The following DACH2 variants were observed in gnomAD, a reference collection of about 807,000 sequenced individuals.
The protein encoded by DACH2 is dachshund homolog 2.
Under a neutral mutation model 35.8 loss-of-function variants are expected in DACH2, and 17 were observed. The observed-to-expected ratio is 0.48, with a 90% CI of 0.33 to 0.71. The LOEUF (loss-of-function observed/expected upper bound fraction) is 0.71. Among genes scored for constraint, DACH2 ranks in the 30% least tolerant of loss-of-function variants. DACH2 has a pLI of 0.02. For synonymous variants in DACH2, 195 were observed against 177.3 expected, an observed-to-expected ratio of 1.10 and a Z score of -0.79; for missense variants, 469 against 472.7, an observed-to-expected ratio of 0.99 and a Z score of 0.07.
chrX:86,392,961 A>G (rs2036226455), intron 2 of DACH2, among the ~76,000 whole-genome samples: 1 of 110,681 alleles, frequency 9.0e-6, no homozygotes, highest in African/African-American at 3.3e-5. Context: ...TGGTGGTGCT[A>G]TGGCATCTAG....
chrX:86,759,192 G>A (rs778654113), intron 7 of DACH2, among the ~76,000 whole-genome samples: 21 of 111,371 alleles, frequency 1.9e-4, no homozygotes, highest in Non-Finnish European at 3.6e-4. Context: ...TAGGTGATCT[G>A]TCTAAGGCTG....
At chrX:86,773,333 G>T (rs1170252793) in intron 7 of DACH2, among the ~76,000 whole-genome samples, 1 of 111,292 alleles carries the variant, frequency 9.0e-6, no homozygotes, top group African/African-American at 3.3e-5. Flanking sequence ...ATTTCTATGT[G>T]GAATTTTGAG....
intron 6 of DACH2, among the ~76,000 whole-genome samples, chrX:86,721,570 G>A (rs865889599): frequency 9.0e-6 from 1 of 111,511 alleles, no homozygotes; most frequent in Non-Finnish European, 1.9e-5. Context: ...AGTTCCAAAC[G>A]TTATCACATC....
At chrX:86,270,450 C>T (rs2033795318) in intron 1 of DACH2, among the ~76,000 whole-genome samples, 1 of 111,607 alleles carries the variant, frequency 9.0e-6, no homozygotes, top group South Asian at 3.7e-4. Context: ...CACATACACA[C>T]TTGTGAATAG....
At chrX:86,316,172 T>A (rs754124559) in intron 1 of DACH2, among the ~76,000 whole-genome samples, 51 of 110,541 alleles carry the variant, frequency 4.6e-4, no homozygotes, top group Non-Finnish European at 8.1e-4. Context: ...TTTCTGTGCC[T>A]GTTCCCAGAC....
intron 4 of DACH2, among the ~76,000 whole-genome samples, chrX:86,690,055 T>C (rs1296143118): frequency 8.9e-6 from 1 of 111,775 alleles, no homozygotes; most frequent in Non-Finnish European, 1.9e-5. Context: ...CTGATCCCTA[T>C]AGGTGGATGA....
At chrX:86,321,130 T>G (rs1175381624) in intron 1 of DACH2, among the ~76,000 whole-genome samples, 1 of 111,598 alleles carries the variant, frequency 9.0e-6, no homozygotes, top group Non-Finnish European at 1.9e-5. Flanking sequence ...CTTTAGATTT[T>G]GAAACCCTAT....
At chrX:86,768,858 C>T (rs957312465) in intron 7 of DACH2, among the ~76,000 whole-genome samples, 2 of 110,717 alleles carry the variant, frequency 1.8e-5, no homozygotes, top group African/African-American at 6.6e-5. Context: ...TGTATGTATT[C>T]AAAGTTTAGC....
intron 2 of DACH2, among the ~76,000 whole-genome samples, chrX:86,411,862 T>G (rs1034107856): frequency 9.0e-6 from 1 of 111,081 alleles, no homozygotes; most frequent in Admixed American, 9.6e-5. Context: ...CAGGTTGTGT[T>G]TTTTTTCCCT....
At chrX:86,814,130 CAGAG>C (rs1272677711) in intron 9 of DACH2, among the ~76,000 whole-genome samples, 1 of 109,724 alleles carries the variant, frequency 9.1e-6, no homozygotes, top group East Asian at 2.8e-4. Context: ...AAGAGAGAGG[CAGAG>C]AGAGAGAGAG....
intron 3 of DACH2, among the ~76,000 whole-genome samples, chrX:86,618,477 A>G (rs1224836318): frequency 1.8e-5 from 2 of 111,905 alleles, no homozygotes; most frequent in Non-Finnish European, 3.8e-5. Context: ...AATGTATCAT[A>G]CATAGTAGGT....
intron 1 of DACH2, among the ~76,000 whole-genome samples, chrX:86,313,949 A>G (rs1284858393): frequency 5.4e-5 from 6 of 111,722 alleles, no homozygotes; most frequent in African/African-American, 2.0e-4. Context: ...TTATTATTAC[A>G]TCTGTTATGG....
At position 86,231,460 on chromosome X, in the gene DACH2, G is replaced by T. The variant is rs773072594; in HGVS notation, c.488+82352G>T. ...GGGCAGGTCTTGCTGTGGCTGCTGTGGGGGGTGGGGGTGAGATTCCCAGGT... is the reference window on the plus strand; with the variant it reads ...GGGCAGGTCTTGCTGTGGCTGCTGTTGGGGGTGGGGGTGAGATTCCCAGGT... On this transcript the variant is annotated intron_variant, in intron 1 of 11. Coordinates refer to ENST00000373125, the MANE Select transcript of DACH2 (RefSeq NM_053281.3). 7.9e-4 allele frequency among the ~76,000 whole-genome samples: 87 copies of T among 110,270 alleles called. 1 individual carries two copies. Among genetic ancestry groups the T allele is most frequent in the Non-Finnish European group, 1.6e-3 (82 of 52,715 alleles).
intron 1 of DACH2, among the ~76,000 whole-genome samples, chrX:86,295,168 G>C (rs753336365): frequency 8.9e-6 from 1 of 112,590 alleles, no homozygotes; most frequent in South Asian, 3.7e-4. Flanking sequence ...TCGGGTGGGA[G>C]TGACCCGATT....
intron 1 of DACH2, among the ~76,000 whole-genome samples, chrX:86,205,482 C>G (rs865815276): frequency 2.3e-5 from 1 of 43,460 alleles, no homozygotes; most frequent in Non-Finnish European, 3.7e-5. Context: ...CCCTCCTTCC[C>G]TCCTTCCCTC....
intron 1 of DACH2, among the ~76,000 whole-genome samples, chrX:86,309,468 A>G (rs1311429749): frequency 1.0e-5 from 1 of 99,646 alleles, no homozygotes; most frequent in East Asian, 3.2e-4. Context: ...GGGTATCTCT[A>G]CTCTCCGTCT....
intron 7 of DACH2, among the ~76,000 whole-genome samples, chrX:86,764,497 G>T (rs1253362263): frequency 9.0e-6 from 1 of 111,288 alleles, no homozygotes; most frequent in Non-Finnish European, 1.9e-5. Flanking sequence ...TTTTGTTCTT[G>T]CATTAGATCA....
chrX:86,566,869 A>G (rs2039299974), intron 3 of DACH2, among the ~76,000 whole-genome samples: 1 of 111,929 alleles, frequency 8.9e-6, no homozygotes, highest in Admixed American at 9.6e-5. Flanking sequence ...AGATGAAGAA[A>G]CCAAAATCAG....
intron 1 of DACH2, among the ~76,000 whole-genome samples, chrX:86,242,401 C>T (rs974781276): frequency 8.9e-6 from 1 of 112,003 alleles, no homozygotes; most frequent in Non-Finnish European, 1.9e-5. Context: ...ATAGCCCCTT[C>T]GTTTTGGCCA....
Sources: gnomAD v4.1 joint callset for allele counts (sites outside exome capture counted in the v4.1 genomes callset) on GRCh38, gnomAD v4.1.1 for gene constraint, MANE v1.5 for transcripts, NCBI Gene and HGNC (gene_info 2026-07-23, HGNC 2026-07-21) for gene names.